SBF2: variants seen among roughly 807,000 people sequenced by gnomAD.
The protein encoded by SBF2 is myotubularin-related protein 13.
In SBF2, 112 loss-of-function variants were observed where a neutral mutation model predicts 225.2. That is an observed-to-expected ratio of 0.50 (90% CI 0.43 to 0.58). The LOEUF (loss-of-function observed/expected upper bound fraction) is 0.58, where lower values mean the gene tolerates loss of function less well. SBF2 is among the 20% of genes least tolerant of loss of function. SBF2 has a pLI of 0.00. For missense variants in SBF2, 1,996 were observed against 2,206.2 expected (o/e 0.90, Z 1.91); for synonymous variants, 763 against 773.3 (o/e 0.99, Z 0.22).
Position 9,787,668 on chromosome 11 carries a change from G to T in SBF2, c.5003C>A (p.Thr1668Asn). 1.2e-6 allele frequency: 2 copies of T among 1,614,156 alleles called. No homozygotes were observed. The highest frequency in any genetic ancestry group is 1.7e-6 in the Non-Finnish European group (2 of 1,180,018). The change falls in exon 36 of 40, where the codon ACC becomes AAC. Residue 1668 changes from threonine to asparagine, a missense_variant. Coordinates refer to ENST00000256190, the MANE Select transcript of SBF2 (RefSeq NM_030962.4). ...EKWQQLWERV[T>N]VDLKEEPRTD... ...TCTTGGTTCTTCTTTAAGGTCCACG[G>T]TTACCCTTTCCCACAGCTGCTGCCA...
chr11:10,163,634 G>A (rs1464996329), intron 2 of SBF2, among the ~76,000 whole-genome samples: 1 of 152,146 alleles, frequency 6.6e-6, no homozygotes, highest in East Asian at 1.9e-4. Context: ...ACACTTTAAA[G>A]TAAACTAAAA....
At chr11:9,837,662 G>C (rs913105802) in intron 26 of SBF2, among the ~76,000 whole-genome samples, 1 of 152,168 alleles carries the variant, frequency 6.6e-6, no homozygotes, top group East Asian at 1.9e-4. Flanking sequence ...AGGTAGTTTT[G>C]CGTGGTATAT....
At chr11:9,904,771 T>C (rs955051995) in intron 16 of SBF2, among the ~76,000 whole-genome samples, 2 of 152,196 alleles carry the variant, frequency 1.3e-5, no homozygotes, top group African/African-American at 4.8e-5. Context: ...ACACCTATAA[T>C]CACAGAACTT....
At chr11:9,794,210 A>T (rs186601712) in intron 33 of SBF2, among the ~76,000 whole-genome samples, 151 of 151,668 alleles carry the variant, frequency 1.0e-3, no homozygotes, top group Non-Finnish European at 1.8e-3. Flanking sequence ...ACAAAATACC[A>T]CTGCCCCCCT....
chr11:9,816,166 CA>C (rs1438464359), intron 29 of SBF2, among the ~76,000 whole-genome samples: 3 of 152,222 alleles, frequency 2.0e-5, no homozygotes, highest in African/African-American at 7.2e-5. Context: ...ACATTAAATT[CA>C]AGGAATTGTT....
chr11:10,009,623 T>C (rs536272842), intron 6 of SBF2, among the ~76,000 whole-genome samples: 29 of 152,370 alleles, frequency 1.9e-4, no homozygotes, highest in Admixed American at 9.8e-4. Context: ...TATTCCATGG[T>C]GTATATGTGC....
At chr11:10,185,843 C>A (rs955251416) in intron 2 of SBF2, among the ~76,000 whole-genome samples, 1 of 151,994 alleles carries the variant, frequency 6.6e-6, no homozygotes, top group Non-Finnish European at 1.5e-5. Flanking sequence ...AGTTTCCAAC[C>A]TTTTGCATAC....
intron 28 of SBF2, among the ~76,000 whole-genome samples, chr11:9,827,870 A>G (rs1855161026): frequency 6.6e-6 from 1 of 152,200 alleles, no homozygotes; most frequent in South Asian, 2.1e-4. Flanking sequence ...CTCATCATTT[A>G]GACATGCTCC....
chr11:10,242,011 C>G (rs1294815532), intron 1 of SBF2, among the ~76,000 whole-genome samples: 1 of 151,096 alleles, frequency 6.6e-6, no homozygotes, highest in Non-Finnish European at 1.5e-5. Flanking sequence ...TGCCCACAGA[C>G]CCTAGGACCT....
upstream of SBF2, among the ~76,000 whole-genome samples, chr11:10,299,097 G>C (rs1964573485): frequency 6.6e-6 from 1 of 152,148 alleles, no homozygotes; most frequent in African/African-American, 2.4e-5. Flanking sequence ...GCAGCACTTT[G>C]GGAGGCCAAG....
chr11:10,272,828 T>C (rs1962622274), intron 1 of SBF2, among the ~76,000 whole-genome samples: 1 of 151,658 alleles, frequency 6.6e-6, no homozygotes, highest in African/African-American at 2.4e-5. Flanking sequence ...CCCAGCACTT[T>C]GGGAGGCCCA....
chr11:10,019,213 G>A (rs559601686), intron 6 of SBF2, among the ~76,000 whole-genome samples: 2 of 152,100 alleles, frequency 1.3e-5, no homozygotes, highest in African/African-American at 2.4e-5. Context: ...ATAAGCAGAA[G>A]GGCATTACGG....
intron 1 of SBF2, among the ~76,000 whole-genome samples, chr11:10,236,849 C>G (rs1011038634): frequency 2.6e-5 from 4 of 152,094 alleles, no homozygotes; most frequent in African/African-American, 9.7e-5. Flanking sequence ...GTAATTTGGA[C>G]TAACTTCTCT....
chr11:10,150,354 G>T (rs1225866121), intron 2 of SBF2, among the ~76,000 whole-genome samples: 1 of 152,004 alleles, frequency 6.6e-6, no homozygotes, highest in East Asian at 1.9e-4. Flanking sequence ...TAAAATTTAT[G>T]ACAGAAAACT....
intron 7 of SBF2, among the ~76,000 whole-genome samples, chr11:10,001,728 G>A (rs1466886960): frequency 1.2e-4 from 18 of 151,904 alleles, no homozygotes; most frequent in African/African-American, 2.2e-4. Flanking sequence ...GGGTTTCACC[G>A]TGTTAGCCAG....
At chr11:10,177,188 A>G (rs1197578702) in intron 2 of SBF2, among the ~76,000 whole-genome samples, 4 of 152,066 alleles carry the variant, frequency 2.6e-5, no homozygotes, top group Non-Finnish European at 1.5e-5. Flanking sequence ...GATGGGACGT[A>G]TCTCAAAATA....
chr11:10,117,223 T>C (rs552788414), intron 2 of SBF2, among the ~76,000 whole-genome samples: 83 of 152,142 alleles, frequency 5.5e-4, no homozygotes, highest in African/African-American at 1.9e-3. Context: ...GGTGAATCAC[T>C]TGAGGTTAGG....
Position 9,787,504 on chromosome 11 carries a change from C to T in SBF2, c.5037+130G>A, listed in dbSNP as rs941724130. ...CTGCCCTGGACCTCCAGGACATGAC[C>T]CCTCCCCTTTCCACCCTTCCTTCTG... On this transcript the variant is annotated intron_variant, in intron 36 of 39. Transcript: ENST00000256190. The T allele has an allele frequency of 1.2e-5, 9 of 753,034 alleles. No individual in the cohort carries two copies. In the African/African-American group the frequency reaches 1.6e-4, roughly 13 times the overall value. 46.6% of individuals were successfully genotyped at this position (753,034 alleles called of 1,614,324 possible). A position where few individuals can be genotyped will look rare whatever the true frequency, so the allele number is the denominator to read the frequency against.
intron 2 of SBF2, among the ~76,000 whole-genome samples, chr11:10,182,778 TTAA>T (rs2135291980): frequency 6.6e-6 from 1 of 152,114 alleles, no homozygotes; most frequent in East Asian, 1.9e-4. Flanking sequence ...TTGTTGTTTT[TTAA>T]TTTTTTTTTT....
Sources: gnomAD v4.1 joint callset for allele counts (sites outside exome capture counted in the v4.1 genomes callset) on GRCh38, gnomAD v4.1.1 for gene constraint, MANE v1.5 for transcripts, NCBI Gene and HGNC (gene_info 2026-07-23, HGNC 2026-07-21) for gene names.